The following EPHA5 variants were observed in gnomAD, a reference collection of about 807,000 sequenced individuals.
EPHA5 encodes ephrin type-A receptor 5.
A neutral mutation model predicts 105.0 loss-of-function variants in EPHA5; 60 were observed. The ratio of observed to expected loss-of-function variants is 0.57; its 90% CI spans 0.46 to 0.71. EPHA5 has a LOEUF of 0.71. Ranked by LOEUF, EPHA5 falls within the 30% of genes least tolerant of loss-of-function variation. EPHA5 has a pLI of 0.00. For synonymous variants in EPHA5, 513 were observed against 449.1 expected (o/e 1.14, Z -1.80); for missense variants, 1,218 against 1,274.7 (o/e 0.96, Z 0.68).
At chr4:65,518,774 G>T (rs1419195483) in intron 3 of EPHA5, among the ~76,000 whole-genome samples, 1 of 151,988 alleles carries the variant, frequency 6.6e-6, no homozygotes, top group Non-Finnish European at 1.5e-5. Context: ...GGAAGAAGTT[G>T]AATCCCTGAG....
intron 3 of EPHA5, among the ~76,000 whole-genome samples, chr4:65,524,611 G>C (rs1307609641): frequency 6.6e-6 from 1 of 151,660 alleles, no homozygotes; most frequent in African/African-American, 2.4e-5. Flanking sequence ...ATAACTCCTA[G>C]AGAAAGGAAG....
intron 3 of EPHA5, among the ~76,000 whole-genome samples, chr4:65,563,490 A>C (rs1739228811): frequency 6.6e-6 from 1 of 152,046 alleles, no homozygotes; most frequent in Non-Finnish European, 1.5e-5. Flanking sequence ...GTAACAAGAA[A>C]TTACATAATG....
At chr4:65,610,693 A>G (rs1342530135) in intron 2 of EPHA5, among the ~76,000 whole-genome samples, 1 of 152,242 alleles carries the variant, frequency 6.6e-6, no homozygotes, top group Non-Finnish European at 1.5e-5. Flanking sequence ...AATAAACTGA[A>G]TAAAATCTTA....
chr4:65,437,216 T>A (rs1725561970), intron 5 of EPHA5, among the ~76,000 whole-genome samples: 2 of 152,108 alleles, frequency 1.3e-5, no homozygotes, highest in Admixed American at 1.3e-4. Flanking sequence ...TATTCTAGAA[T>A]CTCAGCTTGC....
chr4:65,644,751 T>C (rs1415851786), intron 1 of EPHA5, among the ~76,000 whole-genome samples: 17 of 152,014 alleles, frequency 1.1e-4, no homozygotes, highest in Non-Finnish European at 5.9e-5. Context: ...GGAACATGCA[T>C]ATCTTATAAA....
At chr4:65,530,710 A>G in intron 3 of EPHA5, among the ~76,000 whole-genome samples, 1 of 152,164 alleles carries the variant, frequency 6.6e-6, no homozygotes. Flanking sequence ...AACTAACCTG[A>G]CCTCTCCTAA....
chr4:65,378,479 T>C (rs1314570672), intron 8 of EPHA5, among the ~76,000 whole-genome samples: 1 of 151,962 alleles, frequency 6.6e-6, no homozygotes. Context: ...TTTATATAAG[T>C]TAACTTTCCT....
At chr4:65,646,038 T>G (rs912881837) in intron 1 of EPHA5, among the ~76,000 whole-genome samples, 41 of 152,324 alleles carry the variant, frequency 2.7e-4, no homozygotes, top group African/African-American at 9.1e-4. Flanking sequence ...TAGGATTTGA[T>G]TCTCAGAGAA....
chr4:65,368,787 G>T (rs1310737562), intron 8 of EPHA5, among the ~76,000 whole-genome samples: 2 of 152,086 alleles, frequency 1.3e-5, no homozygotes, highest in African/African-American at 4.8e-5. Flanking sequence ...AACTCCAACT[G>T]TTCATCTTCA....
rs893646054 is a variant in EPHA5, at chr4:65,461,871, A to T, written c.1402+28506T>A. Among the ~76,000 whole-genome samples, 9 of 152,230 alleles carry T rather than the reference A, an allele frequency of 5.9e-5. No individual in the cohort carries two copies. The South Asian group carries it at 1.9e-3, about 32-fold the overall frequency. On this transcript the variant is annotated intron_variant, in intron 5 of 16. Transcript: ENST00000613740. ...AGAAAAATGAGAACAAAAGCTAATGAGGAAATATTATCATAAAAGAAACCC... is the reference window on the plus strand; with the variant it reads ...AGAAAAATGAGAACAAAAGCTAATGTGGAAATATTATCATAAAAGAAACCC...
intron 3 of EPHA5, among the ~76,000 whole-genome samples, chr4:65,541,776 A>G (rs1736861833): frequency 6.6e-6 from 1 of 152,028 alleles, no homozygotes; most frequent in Admixed American, 6.6e-5. Context: ...TCCACCCCAA[A>G]GCAACAGAAT....
chr4:65,457,645 C>T (rs1234684155), intron 5 of EPHA5, among the ~76,000 whole-genome samples: 1 of 151,618 alleles, frequency 6.6e-6, no homozygotes, highest in Admixed American at 6.6e-5. Context: ...TTATCTTTTT[C>T]TAAATTATTA....
intron 5 of EPHA5, among the ~76,000 whole-genome samples, chr4:65,465,616 T>C (rs947670257): frequency 2.0e-5 from 3 of 150,670 alleles, no homozygotes; most frequent in Admixed American, 6.6e-5. Context: ...AAGAAAGAAA[T>C]TGAGTAAGAG....
At chr4:65,657,529 A>G (rs145394371) in intron 1 of EPHA5, among the ~76,000 whole-genome samples, 38 of 152,298 alleles carry the variant, frequency 2.5e-4, no homozygotes, top group African/African-American at 8.2e-4. Context: ...AAAATACAGT[A>G]TTCTACTAAC....
chr4:65,335,823 T>A, intron 15 of EPHA5, 109 bp downstream of exon 15: 2 of 1,139,168 alleles, frequency 1.8e-6, no homozygotes, highest in South Asian at 1.7e-5. Context: ...TAGTGTCATA[T>A]AGATTCACAG....
intron 11 of EPHA5, among the ~76,000 whole-genome samples, chr4:65,357,934 T>C (rs1173657382): frequency 6.6e-6 from 1 of 151,376 alleles, no homozygotes; most frequent in Non-Finnish European, 1.5e-5. Context: ...GAATATGCCG[T>C]TCCTGGTAAT....
intron 13 of EPHA5, among the ~76,000 whole-genome samples, chr4:65,350,898 A>C (rs979394163): frequency 2.6e-5 from 4 of 152,002 alleles, no homozygotes; most frequent in Non-Finnish European, 4.4e-5. Context: ...AAATCCTTAA[A>C]AGGTGGGAGC....
intron 15 of EPHA5, among the ~76,000 whole-genome samples, chr4:65,333,368 T>C (rs1039435927): frequency 1.4e-4 from 21 of 151,770 alleles, no homozygotes; most frequent in African/African-American, 5.1e-4. Context: ...AGATGGTCAA[T>C]GATCTCTCTT....
intron 14 of EPHA5, among the ~76,000 whole-genome samples, chr4:65,344,027 G>A (rs528437648): frequency 5.3e-5 from 8 of 152,202 alleles, no homozygotes; most frequent in East Asian, 1.9e-4. Flanking sequence ...AAAGTACTAT[G>A]AGAGTAAAAA....
Sources: allele counts gnomAD v4.1 joint callset (sites outside exome capture counted in the v4.1 genomes callset), GRCh38; gene constraint gnomAD v4.1.1; transcripts MANE v1.5; gene names NCBI Gene and HGNC (gene_info 2026-07-23, HGNC 2026-07-21).